ABCF1: variants seen among roughly 807,000 people sequenced by gnomAD.
ABCF1 encodes the protein ATP-binding cassette sub-family F member 1.
Under a neutral mutation model 126.3 loss-of-function variants are expected in ABCF1, and 73 were observed. The observed-to-expected ratio is 0.58, with a 90% CI of 0.48 to 0.70. The LOEUF (loss-of-function observed/expected upper bound fraction) is 0.70, where lower values mean the gene tolerates loss of function less well. Ranked by LOEUF, ABCF1 falls within the 30% of genes least tolerant of loss-of-function variation. The probability of loss-of-function intolerance (pLI) is 0.00; values close to 1 mark genes in which losing one functional copy is unlikely to be tolerated. For missense variants in ABCF1, 786 were observed against 1,057.5 expected (o/e 0.74, Z 3.56); for synonymous variants, 345 against 396.4 (o/e 0.87, Z 1.54).
Position 30,583,175 on chromosome 6 carries a change from C to A in ABCF1, c.902C>A (p.Ala301Glu), listed in dbSNP as rs1801919042. ...TCCCGCCAAGCCATGTTAGAAAATG[C>A]ATCTGACATCAAGGTAAGGTCTCAA... ...MSSRQAMLENASDIKLEKFSI... is the reference protein window; with the variant it reads ...MSSRQAMLENESDIKLEKFSI... Residue 301 changes from alanine to glutamate, a missense_variant, in exon 10 of 25, where the codon GCA becomes GAA. Around this residue, in one of 4 missense-constraint regions of ABCF1, gnomAD observed 163 missense variants for 255.3 expected, o/e 0.64. Transcript: ENST00000326195. This position sits in a 1 kb window ranked among gnomAD's most constrained non-coding sequence, Gnocchi z 4.1. 1 of 1,607,138 alleles carries A rather than the reference C, an allele frequency of 6.2e-7. No homozygotes were observed. The highest frequency in any genetic ancestry group is 1.3e-5 in the African/African-American group (1 of 74,844).
At chr6:30,572,627 C>A (rs575083790) in intron 1 of ABCF1, among the ~76,000 whole-genome samples, 3 of 152,238 alleles carry the variant, frequency 2.0e-5, no homozygotes, top group African/African-American at 7.2e-5. Context: ...CCTCAGTCTC[C>A]CAAGTAGTTG....
rs375254076 is a variant in ABCF1, at chr6:30,583,917, T to G, written c.1102+27T>G. 2.0e-3 allele frequency: 3,180 copies of G among 1,610,350 alleles called. 6 individuals carry two copies. The highest frequency in any genetic ancestry group is 2.5e-3 in the Non-Finnish European group (2,963 of 1,177,542). On this transcript the variant is annotated intron_variant, in intron 12 of 24. Coordinates refer to ENST00000326195, the MANE Select transcript of ABCF1 (RefSeq NM_001025091.2). The surrounding 1 kb of genome is among the most constrained non-coding windows in gnomAD (Gnocchi z 4.1). The stretch of plus-strand genomic sequence containing the variant: ...TGAGACCACTGGGGAGAAAAGGGGC[T>G]TGGTGGGGTGGGCAGTTGGGTAGAA...
chr6:30,576,184 C>T (rs1377394061), intron 1 of ABCF1, among the ~76,000 whole-genome samples: 1 of 150,366 alleles, frequency 6.7e-6, no homozygotes, highest in Admixed American at 6.7e-5. Context: ...CCTATAAGAC[C>T]TTCTCTTCCA....
intron 1 of ABCF1, among the ~76,000 whole-genome samples, chr6:30,575,793 G>A (rs1388125180): frequency 6.6e-6 from 1 of 152,138 alleles, no homozygotes; most frequent in Non-Finnish European, 1.5e-5. Flanking sequence ...CCCCTGGCCA[G>A]GCACAGTGGC....
intron 1 of ABCF1, among the ~76,000 whole-genome samples, chr6:30,576,336 G>A (rs929369689): frequency 4.8e-5 from 6 of 124,748 alleles, no homozygotes; most frequent in Non-Finnish European, 9.5e-5. Context: ...CACCCAGGCT[G>A]CAGTACAATA....
rs1022612969 is a variant in ABCF1, at chr6:30,590,735, T to C, written c.*34T>C. ...TCCCAGAAGTCTCCCGAGAGACATA[T>C]TTGTGTGGCCTAGAAGTCCTCTGTG... On this transcript the variant is annotated 3_prime_UTR_variant, in exon 25 of 25. Coordinates refer to ENST00000326195, the MANE Select transcript of ABCF1 (RefSeq NM_001025091.2). The C allele has an allele frequency of 1.9e-6, 3 of 1,578,860 alleles. No homozygotes were observed. The highest frequency in any genetic ancestry group is 1.8e-5 in the Admixed American group (1 of 56,216).
chr6:30,585,334 G>A lies in ABCF1; in HGVS notation c.1466G>A (p.Trp489Ter). ...TNHLDLNAVIWLNNYLQGWRK... is the reference protein window; with the variant it reads ...TNHLDLNAVI Reference sequence around the variant, plus strand: ...CACCTGGACCTCAACGCTGTCATCTGGCTTAATAAGTGCGTTACGGCCTTT... The same window carrying A: ...CACCTGGACCTCAACGCTGTCATCTAGCTTAATAAGTGCGTTACGGCCTTT... Residue 489 changes from tryptophan (W) to a stop codon, truncating the protein, a stop_gained, in exon 15 of 25, where the codon TGG (tryptophan) becomes TAG (stop). Transcript: ENST00000326195. LOFTEE classifies it high-confidence loss of function. 1 of 1,613,246 alleles carries A rather than the reference G, an allele frequency of 6.2e-7. No homozygotes were observed. The highest frequency in any genetic ancestry group is 8.5e-7 in the Non-Finnish European group (1 of 1,179,842).
chr6:30,575,414 A>G (rs1801449801), intron 1 of ABCF1, among the ~76,000 whole-genome samples: 1 of 151,558 alleles, frequency 6.6e-6, no homozygotes, highest in African/African-American at 2.4e-5. Flanking sequence ...TAAGGGTAGA[A>G]TTAGATAGCA....
Position 30,589,731 on chromosome 6 carries a change from A to G in ABCF1, c.2064+11A>G. On this transcript the variant is annotated intron_variant, in intron 21 of 24. Coordinates refer to ENST00000326195, the MANE Select transcript of ABCF1 (RefSeq NM_001025091.2). The stretch of plus-strand genomic sequence containing the variant: ...AAGAACCACCGGCTGGTAAGTTGGC[A>G]TTGGGATTTAGGGAATGATAATCTG... The G allele has an allele frequency of 6.2e-7, 1 of 1,614,096 alleles. No homozygotes were observed. Among genetic ancestry groups the G allele is most frequent in the Non-Finnish European group, 8.5e-7 (1 of 1,180,004 alleles).
At chr6:30,582,840 G>A (rs1801895360) in intron 9 of ABCF1, among the ~76,000 whole-genome samples, 1 of 152,110 alleles carries the variant, frequency 6.6e-6, no homozygotes, top group Non-Finnish European at 1.5e-5. Flanking sequence ...ACTATGGGTG[G>A]CACCACCATG....
chr6:30,580,651 G>A, intron 8 of ABCF1, 132 bp downstream of exon 8: 1 of 561,316 alleles, frequency 1.8e-6, no homozygotes, highest in Non-Finnish European at 2.9e-6. Context: ...TGGGGGAGTA[G>A]TTGGGGTGGT....
intron 20 of ABCF1, among the ~76,000 whole-genome samples, chr6:30,588,193 T>A (rs1360170492): frequency 6.6e-6 from 1 of 151,900 alleles, no homozygotes; most frequent in East Asian, 2.0e-4. Context: ...GAGCCACCGC[T>A]CCCAGCTGAG....
intron 22 of ABCF1, 47 bp downstream of exon 22, chr6:30,590,021 T>C (rs1802360847): frequency 1.2e-6 from 2 of 1,608,000 alleles, no homozygotes; most frequent in African/African-American, 1.3e-5. Context: ...TTATCATTCA[T>C]GTCTACAAAC....
Position 30,583,585 on chromosome 6 carries a change from C to A in ABCF1, c.916-23C>A, listed in dbSNP as rs778339871. 4 of 1,612,286 alleles carry A rather than the reference C, an allele frequency of 2.5e-6. No homozygotes were observed. The East Asian group carries it at 8.9e-5, about 36-fold the overall frequency. On this transcript the variant is annotated intron_variant, in intron 10 of 24. Transcript: ENST00000326195. The surrounding 1 kb of genome is among the most constrained non-coding windows in gnomAD (Gnocchi z 4.1). ...TCATGTGATCATCCCTTCCCTCTGC[C>A]ACCTCTTTCCTGATGGCTGCAGCTG...
At chr6:30,578,436 T>C (rs2127407066) in intron 5 of ABCF1, 34 bp from the exon 6 acceptor site, 1 of 1,613,996 alleles carries the variant, frequency 6.2e-7, no homozygotes, top group Middle Eastern at 1.6e-4. Context: ...ACCTTGACCA[T>C]CCTACTGACT....
chr6:30,582,249 G>A, intron 8 of ABCF1, 145 bp from the exon 9 acceptor site: 1 of 582,282 alleles, frequency 1.7e-6, no homozygotes, highest in Non-Finnish European at 3.1e-6. Flanking sequence ...GTAGAGATGG[G>A]GTTTCACCAT....
At chr6:30,580,070 G>A (rs1801728096) in intron 7 of ABCF1, 65 bp downstream of exon 7, 1 of 1,539,352 alleles carries the variant, frequency 6.5e-7, no homozygotes, top group Non-Finnish European at 8.9e-7. Flanking sequence ...ATCAGGGCTG[G>A]GCGCGGTGGC....
Position 30,586,649 on chromosome 6 carries a change from G to T in ABCF1, c.1969G>T (p.Val657Leu), listed in dbSNP as rs1164399042. The change falls in exon 20 of 25, where the codon GTG becomes TTG. Residue 657 changes from valine (V) to leucine (L), a missense_variant. By Grantham distance (32) the Val-to-Leu change is conservative. Coordinates refer to ENST00000326195, the MANE Select transcript of ABCF1 (RefSeq NM_001025091.2). The surrounding 1 kb of genome is among the most constrained non-coding windows in gnomAD (Gnocchi z 4.9). Reference sequence around the variant, plus strand: ...TGTCTTCCATCTTGCAGTTTGCATTGTGGGCCCTAATGGTGTGGGGAAGAG... The same window carrying T: ...TGTCTTCCATCTTGCAGTTTGCATTTTGGGCCCTAATGGTGTGGGGAAGAG... Reference protein sequence around the residue: ...GIDMDSRICIVGPNGVGKSTL... With the variant: ...GIDMDSRICILGPNGVGKSTL... 21 of 1,613,724 alleles carry T rather than the reference G, an allele frequency of 1.3e-5. No homozygotes were observed. The highest frequency in any genetic ancestry group is 1.7e-5 in the Non-Finnish European group (20 of 1,180,014).
rs1041167561 is a variant in ABCF1, at chr6:30,586,120, C to G, written c.1714-14C>G. 6.2e-7 allele frequency: 1 copy of G among 1,606,556 alleles called. No individual in the cohort carries two copies. The highest frequency in any genetic ancestry group is 8.5e-7 in the Non-Finnish European group (1 of 1,177,664). ...GCAGGGCTCAGGTTTCTCTTTTTTC[C>G]TCTTCCTCTCCAGGAAAAACAAACG... On this transcript the variant is annotated splice_polypyrimidine_tract_variant and intron_variant, in intron 17 of 24. Transcript: ENST00000326195. The surrounding 1 kb of genome is among the most constrained non-coding windows in gnomAD (Gnocchi z 4.9).
Sources: allele counts gnomAD v4.1 joint callset (sites outside exome capture counted in the v4.1 genomes callset), GRCh38; gene constraint gnomAD v4.1.1; regional missense constraint gnomAD v4.1.1; non-coding constraint Gnocchi (gnomAD v3.1); transcripts MANE v1.5; gene names NCBI Gene and HGNC (gene_info 2026-07-23, HGNC 2026-07-21).